Variants in PIAS1 observed in about 807,000 individuals in gnomAD.
PIAS1 encodes E3 SUMO-protein ligase PIAS1.
Under a neutral mutation model 71.3 loss-of-function variants are expected in PIAS1, and 6 were observed. The observed-to-expected ratio is 0.08, with a 90% CI of 0.05 to 0.17. PIAS1 has a LOEUF of 0.17. Among genes scored for constraint, PIAS1 ranks in the 10% least tolerant of loss-of-function variants. The pLI is 1.00. For missense variants in PIAS1, 555 were observed against 793.6 expected (o/e 0.70, Z 3.61); for synonymous variants, 303 against 292.9 (o/e 1.03, Z -0.35).
intron 1 of PIAS1, chr15:68,055,684 C>G (rs900379181): frequency 2.4e-6 from 1 of 414,514 alleles, no homozygotes; most frequent in Non-Finnish European, 4.2e-6. Flanking sequence ...ACTGACATCT[C>G]TGTCAGAGAG....
chr15:68,070,303 A>C (rs890875426), intron 1 of PIAS1, among the ~76,000 whole-genome samples: 9 of 152,218 alleles, frequency 5.9e-5, no homozygotes, highest in African/African-American at 2.2e-4. Context: ...TGACAACATC[A>C]ATGAATTAGA....
intron 12 of PIAS1, among the ~76,000 whole-genome samples, chr15:68,182,837 A>T (rs560458502): frequency 1.3e-5 from 2 of 152,202 alleles, no homozygotes; most frequent in African/African-American, 4.8e-5. Context: ...TTCGTGTTGT[A>T]ATCGGTTATA....
chr15:68,167,598 A>C lies in PIAS1; in HGVS notation c.1008+2794A>C, dbSNP rs2092965371. ...GGAATCTTTGAAAAGCTGCTTTGTA[A>C]ACCCAAATACAAATAACGTGGAATT... On this transcript the variant is annotated intron_variant, in intron 8 of 13. Coordinates refer to ENST00000249636, the MANE Select transcript of PIAS1 (RefSeq NM_016166.3). This position sits in a 1 kb window ranked among gnomAD's most constrained non-coding sequence, Gnocchi z 4.4. Among the ~76,000 whole-genome samples, 1 of 152,230 alleles carries C rather than the reference A, an allele frequency of 6.6e-6. No homozygotes were observed. Among genetic ancestry groups the C allele is most frequent in the Non-Finnish European group, 1.5e-5 (1 of 68,044 alleles).
chr15:68,152,581 A>G (rs374966065), intron 6 of PIAS1, among the ~76,000 whole-genome samples: 1 of 152,224 alleles, frequency 6.6e-6, no homozygotes, highest in African/African-American at 2.4e-5. Flanking sequence ...TTCACTTAGA[A>G]AAATACCTAT....
chr15:68,080,131 T>C (rs775479252), intron 1 of PIAS1, among the ~76,000 whole-genome samples: 26 of 152,126 alleles, frequency 1.7e-4, no homozygotes, highest in Non-Finnish European at 3.2e-4. Context: ...TGCGCCTGGC[T>C]GGATTTGTTA....
intron 8 of PIAS1, among the ~76,000 whole-genome samples, chr15:68,170,298 T>C (rs539619906): frequency 3.3e-5 from 5 of 152,220 alleles, no homozygotes; most frequent in Non-Finnish European, 7.3e-5. Context: ...TGGTATAGCT[T>C]ACTATGTACC....
Position 68,167,907 on chromosome 15 carries a change from A to G in PIAS1, c.1008+3103A>G, listed in dbSNP as rs1200493899. 2.0e-5 allele frequency among the ~76,000 whole-genome samples: 3 copies of G among 152,148 alleles called. No individual in the cohort carries two copies. The highest frequency in any genetic ancestry group is 3.9e-4 in the East Asian group (2 of 5,158). On this transcript the variant is annotated intron_variant, in intron 8 of 13. Transcript: ENST00000249636. The surrounding 1 kb of genome is among the most constrained non-coding windows in gnomAD (Gnocchi z 4.4). ...TTTTTAGTAGAGATGGGGTTTCACC[A>G]TGTTGGCCAGGCTGGTCTCAAACTC...
At chr15:68,097,777 T>C (rs927172237) in intron 2 of PIAS1, among the ~76,000 whole-genome samples, 7 of 152,168 alleles carry the variant, frequency 4.6e-5, no homozygotes, top group African/African-American at 1.7e-4. Flanking sequence ...TCTGATGAGA[T>C]GATTGTATAG....
chr15:68,185,176 T>G lies in PIAS1; in HGVS notation c.1662+1509T>G, dbSNP rs562051890. Among the ~76,000 whole-genome samples, 5 of 152,310 alleles carry G rather than the reference T, an allele frequency of 3.3e-5. No individual in the cohort carries two copies. The South Asian group carries it at 1.0e-3, about 32-fold the overall frequency. On this transcript the variant is annotated intron_variant, in intron 13 of 13. Transcript: ENST00000249636. This position sits in a 1 kb window ranked among gnomAD's most constrained non-coding sequence, Gnocchi z 4.4. ...TGAATCAAGGAGTTGTAGCAGTTTT[T>G]AAGGCCTATTAAAAGATCCTAAGGA...
intron 1 of PIAS1, among the ~76,000 whole-genome samples, chr15:68,062,218 G>A (rs931130281): frequency 2.6e-5 from 4 of 152,098 alleles, no homozygotes; most frequent in African/African-American, 9.7e-5. Context: ...GAGATAATAA[G>A]TGACTACACT....
intron 2 of PIAS1, among the ~76,000 whole-genome samples, chr15:68,126,747 T>A (rs2092653289): frequency 6.6e-6 from 1 of 150,378 alleles, no homozygotes; most frequent in South Asian, 2.1e-4. Context: ...TTTATAGTTG[T>A]ACCATGGTTA....
intron 7 of PIAS1, among the ~76,000 whole-genome samples, chr15:68,161,208 A>G (rs2092921787): frequency 1.3e-5 from 2 of 152,212 alleles, no homozygotes; most frequent in Non-Finnish European, 2.9e-5. Context: ...GTAACATCCA[A>G]AAATATGAAA....
At chr15:68,106,921 T>C (rs973636488) in intron 2 of PIAS1, among the ~76,000 whole-genome samples, 2 of 152,204 alleles carry the variant, frequency 1.3e-5, no homozygotes, top group Non-Finnish European at 2.9e-5. Flanking sequence ...TGTTGGGTTA[T>C]ATTTAGGGGC....
At chr15:68,066,115 GTTTTTTCTTTT>G (rs1475964032) in intron 1 of PIAS1, among the ~76,000 whole-genome samples, 1 of 150,596 alleles carries the variant, frequency 6.6e-6, no homozygotes, top group Non-Finnish European at 1.5e-5. Flanking sequence ...TCAAGGTTAT[GTTTTTTCTTTT>G]TTCTTTTTTT....
intron 2 of PIAS1, among the ~76,000 whole-genome samples, chr15:68,089,530 C>G (rs73423748): frequency 0.02 from 3,080 of 152,180 alleles, 92 homozygotes; most frequent in African/African-American, 0.068. Flanking sequence ...TTTCACTTTC[C>G]CTGCATGCTC....
At chr15:68,153,354 T>C (rs149598703) in intron 6 of PIAS1, among the ~76,000 whole-genome samples, 23 of 152,302 alleles carry the variant, frequency 1.5e-4, no homozygotes, top group African/African-American at 4.8e-4. Flanking sequence ...TTAGGGCAAG[T>C]TCTTTTACTT....
rs766344324 is a variant in PIAS1, at chr15:68,179,564, C to CTTTTTTTTTTTTTTTTTTTTTTTT, written c.1482-1643_1482-1620dup. ...CAACCTTGTCATCTCGTGAAATGTT[C>CTTTTTTTTTTTTTTTTTTTTTTTT]TTTTTTTTTTTTTTTTTTTTTTTTT... is the stretch of plus-strand genomic sequence containing the variant. On this transcript the variant is annotated intron_variant, in intron 11 of 13. Transcript: ENST00000249636. Among the ~76,000 whole-genome samples, 43 of 40,102 alleles carry CTTTTTTTTTTTTTTTTTTTTTTTT rather than the reference C, an allele frequency of 1.1e-3. 12 individuals carry two copies. Among genetic ancestry groups the CTTTTTTTTTTTTTTTTTTTTTTTT allele is most frequent in the South Asian group, 6.2e-3 (4 of 648 alleles). 26.3% of individuals were successfully genotyped at this position (40,102 alleles called of 152,430 possible). A position where few individuals can be genotyped will look rare whatever the true frequency, so the allele number is the denominator to read the frequency against.
At chr15:68,110,283 T>C (rs891739705) in intron 2 of PIAS1, among the ~76,000 whole-genome samples, 2 of 152,132 alleles carry the variant, frequency 1.3e-5, no homozygotes. Flanking sequence ...TTTTAATATA[T>C]AGAAAGACAG....
intron 2 of PIAS1, among the ~76,000 whole-genome samples, chr15:68,094,248 A>G (rs761317291): frequency 1.4e-4 from 21 of 151,842 alleles, no homozygotes; most frequent in Non-Finnish European, 2.6e-4. Flanking sequence ...TGCTGGGCGT[A>G]TAGTCTTAGT....
Sources: gnomAD v4.1 joint callset for allele counts (sites outside exome capture counted in the v4.1 genomes callset) on GRCh38, gnomAD v4.1.1 for gene constraint, Gnocchi (gnomAD v3.1) non-coding constraint, MANE v1.5 for transcripts, NCBI Gene and HGNC (gene_info 2026-07-23, HGNC 2026-07-21) for gene names.